The following RELN variants were observed in gnomAD, a reference collection of about 807,000 sequenced individuals.
RELN encodes reelin.
RELN carries 108 observed loss-of-function variants against 427.6 expected under a neutral mutation model. That is an observed-to-expected ratio of 0.25 (90% confidence interval 0.22 to 0.30). The LOEUF is 0.30. RELN is among the 10% of genes least tolerant of loss of function. RELN has a pLI of 1.00. For synonymous variants in RELN, 1,524 were observed against 1,513.4 expected, an observed-to-expected ratio of 1.01 and a Z score of -0.16; for missense variants, 3,715 against 4,302.8, an observed-to-expected ratio of 0.86 and a Z score of 3.82.
At chr7:103,789,443 T>C (rs932144495) in intron 3 of RELN, among the ~76,000 whole-genome samples, 3 of 152,016 alleles carry the variant, frequency 2.0e-5, no homozygotes, top group African/African-American at 2.4e-5. Context: ...TCTATCCAAC[T>C]GACAAAGGGT....
chr7:103,564,915 A>G (rs1383449830), intron 34 of RELN, among the ~76,000 whole-genome samples: 2 of 152,050 alleles, frequency 1.3e-5, no homozygotes, highest in African/African-American at 2.4e-5. Context: ...TGTGGTACTG[A>G]GATGAAAAAA....
chr7:103,607,454 T>C (rs549747935), intron 22 of RELN, among the ~76,000 whole-genome samples: 5 of 152,176 alleles, frequency 3.3e-5, no homozygotes, highest in Non-Finnish European at 5.9e-5. Flanking sequence ...TCAATACAAA[T>C]ATTTAAATTG....
intron 1 of RELN, among the ~76,000 whole-genome samples, chr7:103,965,611 A>T (rs1796644895): frequency 6.6e-6 from 1 of 152,168 alleles, no homozygotes; most frequent in Admixed American, 6.5e-5. Flanking sequence ...TATTCTAAAT[A>T]ATCCATTTGG....
At chr7:103,813,305 T>C (rs1227027202) in intron 3 of RELN, among the ~76,000 whole-genome samples, 2 of 152,136 alleles carry the variant, frequency 1.3e-5, no homozygotes, top group African/African-American at 4.8e-5. Flanking sequence ...AGAAAAGTTA[T>C]AGCCAAGTGA....
intron 20 of RELN, among the ~76,000 whole-genome samples, chr7:103,614,763 C>A (rs1432490772): frequency 6.6e-6 from 1 of 152,172 alleles, no homozygotes; most frequent in East Asian, 1.9e-4. Context: ...CTAAGTGATA[C>A]ATCTGTCATA....
chr7:103,744,413 C>G (rs948343086), intron 6 of RELN, among the ~76,000 whole-genome samples: 7 of 151,996 alleles, frequency 4.6e-5, no homozygotes, highest in African/African-American at 1.7e-4. Context: ...TAACTAAAAT[C>G]AGAGCAGAAC....
At chr7:103,723,642 G>A (rs1790132858) in intron 7 of RELN, among the ~76,000 whole-genome samples, 1 of 152,118 alleles carries the variant, frequency 6.6e-6, no homozygotes, top group Non-Finnish European at 1.5e-5. Flanking sequence ...AAATTATTTT[G>A]AAAAGGAAAT....
intron 2 of RELN, among the ~76,000 whole-genome samples, chr7:103,887,217 T>C (rs1035234815): frequency 2.6e-5 from 4 of 152,194 alleles, no homozygotes; most frequent in Non-Finnish European, 4.4e-5. Context: ...CTTCACTATT[T>C]GACACCCCAG....
chr7:103,922,717 T>C (rs1795643364), intron 1 of RELN, among the ~76,000 whole-genome samples: 1 of 152,196 alleles, frequency 6.6e-6, no homozygotes. Flanking sequence ...AATACCATTC[T>C]TGCAGAAAAT....
chr7:103,765,674 A>C (rs1361129318), intron 4 of RELN, among the ~76,000 whole-genome samples: 2 of 152,246 alleles, frequency 1.3e-5, no homozygotes, highest in African/African-American at 4.8e-5. Flanking sequence ...GTGATTGTAT[A>C]GATCCAAACT....
Position 103,550,921 on chromosome 7 carries a change from A to C in RELN, c.6302+146T>G, listed in dbSNP as rs948205977. On this transcript the variant is annotated intron_variant, in intron 41 of 64. Transcript: ENST00000428762. The stretch of plus-strand genomic sequence containing the variant: ...TAGTTATGTCAGCTCCGTGTCCTAC[A>C]TTTTAAATATCCACTGATCTGCTTG... The C allele has an allele frequency of 2.0e-5, 15 of 742,742 alleles. No homozygotes were observed. In the South Asian group the frequency reaches 2.1e-4, roughly 10 times the overall value. The allele number at this position is 742,742 out of a possible 1,614,324, so 46.0% of individuals were successfully genotyped here.
At chr7:103,627,126 A>C (rs995535939) in intron 20 of RELN, among the ~76,000 whole-genome samples, 1 of 152,086 alleles carries the variant, frequency 6.6e-6, no homozygotes, top group African/African-American at 2.4e-5. Flanking sequence ...GCTGAGAAAA[A>C]CCAACAATAA....
chr7:103,923,721 T>G (rs189170169), intron 1 of RELN, among the ~76,000 whole-genome samples: 2 of 152,238 alleles, frequency 1.3e-5, no homozygotes, highest in Non-Finnish European at 2.9e-5. Context: ...CCACCTAGTA[T>G]AGTCTCCTGT....
intron 3 of RELN, among the ~76,000 whole-genome samples, chr7:103,802,577 C>T (rs1792495928): frequency 6.6e-6 from 1 of 152,042 alleles, no homozygotes; most frequent in Non-Finnish European, 1.5e-5. Context: ...TCAAGATACC[C>T]AAATGTGAAA....
chr7:103,604,609 T>A, intron 22 of RELN, 126 bp from the exon 23 acceptor site: 1 of 904,330 alleles, frequency 1.1e-6, no homozygotes, highest in Non-Finnish European at 1.8e-6. Flanking sequence ...GCTGGCATCA[T>A]TTTTCTTTAA....
At chr7:103,536,424 C>T (rs1182905709) in intron 45 of RELN, among the ~76,000 whole-genome samples, 1 of 152,144 alleles carries the variant, frequency 6.6e-6, no homozygotes, top group Non-Finnish European at 1.5e-5. Flanking sequence ...ACACTGAAAT[C>T]ACCTGGATAC....
chr7:103,669,391 C>T (rs1398432396), intron 11 of RELN, among the ~76,000 whole-genome samples: 1 of 152,134 alleles, frequency 6.6e-6, no homozygotes, highest in Non-Finnish European at 1.5e-5. Flanking sequence ...CAAGCTCATT[C>T]TTTCATGAAT....
At chr7:103,960,001 C>T (rs1796514525) in intron 1 of RELN, among the ~76,000 whole-genome samples, 1 of 152,146 alleles carries the variant, frequency 6.6e-6, no homozygotes, top group Non-Finnish European at 1.5e-5. Context: ...ACAAAAGCCT[C>T]CTAACGGGTC....
chr7:103,669,441 A>G (rs1165426276), intron 11 of RELN, among the ~76,000 whole-genome samples: 1 of 152,186 alleles, frequency 6.6e-6, no homozygotes, highest in Non-Finnish European at 1.5e-5. Flanking sequence ...GAGGCCAAGT[A>G]TCCTTAAGGA....
Sources: allele counts gnomAD v4.1 joint callset (sites outside exome capture counted in the v4.1 genomes callset), GRCh38; gene constraint gnomAD v4.1.1; transcripts MANE v1.5; gene names NCBI Gene and HGNC (gene_info 2026-07-23, HGNC 2026-07-21).